BMERB1: variants seen among roughly 807,000 people sequenced by gnomAD.
BMERB1 encodes bMERB domain containing 1.
In BMERB1, 12 loss-of-function variants were observed where a neutral mutation model predicts 23.6. The observed-to-expected ratio is 0.51, with a 90% confidence interval of 0.33 to 0.82. BMERB1 has a LOEUF of 0.82. BMERB1 is among the 40% of genes least tolerant of loss of function. BMERB1 has a pLI of 0.03. For synonymous variants in BMERB1, 122 were observed against 96.6 expected, an observed-to-expected ratio of 1.26 and a Z score of -1.54; for missense variants, 247 against 255.4, an observed-to-expected ratio of 0.97 and a Z score of 0.22.
chr16:15,494,197 C>T (rs951213519), intron 1 of BMERB1, among the ~76,000 whole-genome samples: 3 of 152,134 alleles, frequency 2.0e-5, no homozygotes, highest in Non-Finnish European at 4.4e-5. Flanking sequence ...GTTGTTTATG[C>T]AATTTTAACC....
chr16:15,539,111 TA>T (rs1341068420), intron 2 of BMERB1, among the ~76,000 whole-genome samples: 1 of 152,156 alleles, frequency 6.6e-6, no homozygotes, highest in Non-Finnish European at 1.5e-5. Flanking sequence ...CAACTCACCA[TA>T]ATGTGGAATC....
At chr16:15,435,362 A>G (rs1240136769) in intron 1 of BMERB1, among the ~76,000 whole-genome samples, 2 of 151,824 alleles carry the variant, frequency 1.3e-5, no homozygotes, top group Non-Finnish European at 2.9e-5. Flanking sequence ...CTTGGGCACA[A>G]CTCTAGAAGG....
chr16:15,456,876 A>C (rs2051091440), intron 1 of BMERB1, among the ~76,000 whole-genome samples: 1 of 151,986 alleles, frequency 6.6e-6, no homozygotes, highest in Non-Finnish European at 1.5e-5. Context: ...CCCAGGTTGG[A>C]GTGCAATGGC....
At chr16:15,583,471 G>T (rs554316274) in intron 5 of BMERB1, among the ~76,000 whole-genome samples, 1 of 151,456 alleles carries the variant, frequency 6.6e-6, no homozygotes, top group Admixed American at 6.6e-5. Flanking sequence ...CCAGCTACTC[G>T]AGAGGCTGAG....
At chr16:15,533,989 T>C (rs1274903756) in intron 2 of BMERB1, among the ~76,000 whole-genome samples, 1 of 152,092 alleles carries the variant, frequency 6.6e-6, no homozygotes, top group Non-Finnish European at 1.5e-5. Context: ...TCTTCTCTGC[T>C]CCTAGGCTTG....
chr16:15,515,256 T>C, intron 1 of BMERB1, 49 bp from the exon 2 acceptor site: 1 of 1,610,690 alleles, frequency 6.2e-7, no homozygotes, highest in Non-Finnish European at 8.5e-7. Context: ...GTCTGTCCCA[T>C]GGTGCAGCCT....
rs536941929 is a variant in BMERB1, at chr16:15,535,531, A to T, written c.230+20103A>T. Among the ~76,000 whole-genome samples the T allele has an allele frequency of 3.3e-5, 5 of 151,782 alleles. No individual in the cohort carries two copies. In the East Asian group the frequency reaches 9.7e-4, roughly 30 times the overall value. The stretch of plus-strand genomic sequence containing the variant: ...TGACTACAGTGGTGTGTCCCTGTAG[A>T]CCCAGCTGCTCAGGAGGCTGAGGCA... On this transcript the variant is annotated intron_variant, in intron 2 of 5. Transcript: ENST00000300006.
At chr16:15,500,851 C>T (rs1447450123) in intron 1 of BMERB1, among the ~76,000 whole-genome samples, 1 of 152,140 alleles carries the variant, frequency 6.6e-6, no homozygotes, top group Non-Finnish European at 1.5e-5. Flanking sequence ...GGGGTTTCAC[C>T]ATGTTGTCCA....
chr16:15,587,164 T>G lies in BMERB1; in HGVS notation c.*335T>G. 3.4e-6 allele frequency: 1 copy of G among 292,672 alleles called. No homozygotes were observed. Among genetic ancestry groups the G allele is most frequent in the Middle Eastern group, 1.1e-3 (1 of 936 alleles). The allele number at this position is 292,672 out of a possible 1,614,324, so 18.1% of individuals were successfully genotyped here. On this transcript the variant is annotated 3_prime_UTR_variant, in exon 6 of 6. Coordinates refer to ENST00000300006, the MANE Select transcript of BMERB1 (RefSeq NM_033201.3). ...TATCTAACCCACCGTGTGAATGAAC[T>G]GGGAGAGGGGCATGCTCCCCAGCTG...
At chr16:15,463,184 T>G (rs546533649) in intron 1 of BMERB1, among the ~76,000 whole-genome samples, 2 of 151,972 alleles carry the variant, frequency 1.3e-5, no homozygotes, top group African/African-American at 4.8e-5. Context: ...TCTTAAGGGA[T>G]CCTCTCACCT....
At chr16:15,556,667 C>A (rs1452580434) in intron 2 of BMERB1, among the ~76,000 whole-genome samples, 1 of 152,138 alleles carries the variant, frequency 6.6e-6, no homozygotes, top group Non-Finnish European at 1.5e-5. Context: ...CTCACTGCAA[C>A]CTCCACCTCC....
chr16:15,478,841 C>A (rs2051295079), intron 1 of BMERB1, among the ~76,000 whole-genome samples: 1 of 152,166 alleles, frequency 6.6e-6, no homozygotes, highest in African/African-American at 2.4e-5. Flanking sequence ...ATTATTGTTA[C>A]TGACTCCTGA....
chr16:15,505,726 A>G (rs1354940970), intron 1 of BMERB1, among the ~76,000 whole-genome samples: 5 of 151,896 alleles, frequency 3.3e-5, no homozygotes, highest in Non-Finnish European at 7.4e-5. Context: ...GTCTCTACTA[A>G]AAGTACAAAA....
At chr16:15,547,381 G>A (rs1235607326) in intron 2 of BMERB1, among the ~76,000 whole-genome samples, 1 of 146,174 alleles carries the variant, frequency 6.8e-6, no homozygotes, top group Non-Finnish European at 1.5e-5. Context: ...TGCTCTTGTC[G>A]CCCAGGCTGG....
intron 1 of BMERB1, among the ~76,000 whole-genome samples, chr16:15,437,238 G>T (rs77430549): frequency 8.5e-5 from 13 of 152,254 alleles, no homozygotes; most frequent in African/African-American, 2.9e-4. Context: ...CTGGGTCCAC[G>T]CAGAATGGAA....
intron 2 of BMERB1, among the ~76,000 whole-genome samples, chr16:15,557,341 T>G (rs987513341): frequency 6.6e-6 from 1 of 152,226 alleles, no homozygotes; most frequent in East Asian, 1.9e-4. Context: ...CCTGGACTAA[T>G]GTGGCTTATT....
intron 2 of BMERB1, among the ~76,000 whole-genome samples, chr16:15,523,306 A>G (rs934155475): frequency 1.3e-5 from 2 of 152,054 alleles, no homozygotes; most frequent in African/African-American, 4.8e-5. Flanking sequence ...GTCACCTGCT[A>G]GGGTCTTGGG....
chr16:15,437,207 C>T (rs919400152), intron 1 of BMERB1, among the ~76,000 whole-genome samples: 1 of 152,118 alleles, frequency 6.6e-6, no homozygotes, highest in Non-Finnish European at 1.5e-5. Context: ...CTCTGAAGCT[C>T]ACAGAGGCCT....
intron 2 of BMERB1, chr16:15,536,967 C>T (rs542168181): frequency 6.6e-6 from 1 of 152,328 alleles, no homozygotes; most frequent in African/African-American, 2.4e-5. Context: ...GTTAGTTTGA[C>T]TCCTTGGCAC....
Sources: gnomAD v4.1 joint callset for allele counts (sites outside exome capture counted in the v4.1 genomes callset) on GRCh38, gnomAD v4.1.1 for gene constraint, MANE v1.5 for transcripts, NCBI Gene and HGNC (gene_info 2026-07-23, HGNC 2026-07-21) for gene names.